The following CMIP variants were observed in gnomAD, a reference collection of about 807,000 sequenced individuals.
CMIP encodes the protein C-Maf-inducing protein.
In CMIP, 13 loss-of-function variants were observed where a neutral mutation model predicts 97.3. That is an observed-to-expected ratio of 0.13 (90% confidence interval 0.09 to 0.21). CMIP has a LOEUF of 0.21. Ranked by LOEUF, CMIP falls within the 10% of genes least tolerant of loss-of-function variation. CMIP has a pLI of 1.00. For missense variants in CMIP, 847 were observed against 1,024.9 expected, an observed-to-expected ratio of 0.83 and a Z score of 2.37; for synonymous variants, 538 against 436.3, an observed-to-expected ratio of 1.23 and a Z score of -2.91.
At chr16:81,600,940 A>T (rs2150932709) in intron 1 of CMIP, among the ~76,000 whole-genome samples, 1 of 152,246 alleles carries the variant, frequency 6.6e-6, no homozygotes, top group South Asian at 2.1e-4. Flanking sequence ...TTGGGGCCCC[A>T]GGGTGTGTGT....
At chr16:81,522,463 T>A (rs995991987) in intron 1 of CMIP, among the ~76,000 whole-genome samples, 1 of 152,240 alleles carries the variant, frequency 6.6e-6, no homozygotes, top group South Asian at 2.1e-4. Flanking sequence ...TGGGCCTGGA[T>A]TTTTGTTAGA....
At chr16:81,670,784 C>T (rs367692321) in intron 8 of CMIP, among the ~76,000 whole-genome samples, 18 of 152,062 alleles carry the variant, frequency 1.2e-4, no homozygotes, top group Non-Finnish European at 1.8e-4. Context: ...GCGGAAGTCT[C>T]GTGTCAGGCC....
chr16:81,700,244 C>T (rs982160267), intron 15 of CMIP, among the ~76,000 whole-genome samples: 13 of 151,980 alleles, frequency 8.6e-5, no homozygotes, highest in Admixed American at 2.6e-4. Flanking sequence ...AGGGCTTTGG[C>T]GGCTGGGGCT....
At chr16:81,633,945 A>G (rs1418674851) in intron 3 of CMIP, among the ~76,000 whole-genome samples, 2 of 152,190 alleles carry the variant, frequency 1.3e-5, no homozygotes, top group African/African-American at 4.8e-5. Flanking sequence ...AAAGTCTGCA[A>G]CCAATCTTCC....
intron 1 of CMIP, among the ~76,000 whole-genome samples, chr16:81,498,221 G>T (rs967487837): frequency 6.6e-6 from 1 of 152,202 alleles, no homozygotes; most frequent in Non-Finnish European, 1.5e-5. Flanking sequence ...CAGTCAAGAA[G>T]GTTCAATGAA....
intron 1 of CMIP, among the ~76,000 whole-genome samples, chr16:81,527,817 T>C (rs1339049620): frequency 6.6e-6 from 1 of 152,242 alleles, no homozygotes; most frequent in African/African-American, 2.4e-5. Context: ...CCTAAAAATA[T>C]CCCATTCTAC....
At chr16:81,611,429 G>A (rs2091830143) in intron 2 of CMIP, 1 of 152,302 alleles carries the variant, frequency 6.6e-6, no homozygotes, top group Admixed American at 6.5e-5. Context: ...GGGGAATGGC[G>A]GGGCCCAAAG....
chr16:81,531,077 A>C (rs533674071), intron 1 of CMIP, among the ~76,000 whole-genome samples: 4 of 152,212 alleles, frequency 2.6e-5, no homozygotes, highest in Admixed American at 1.3e-4. Flanking sequence ...CCTTCTTTGG[A>C]AATAGGGACT....
At chr16:81,708,109 C>A (rs1304306292) in intron 20 of CMIP, among the ~76,000 whole-genome samples, 1 of 152,154 alleles carries the variant, frequency 6.6e-6, no homozygotes, top group Non-Finnish European at 1.5e-5. Context: ...TCCCTCCTGG[C>A]AGGCACAGGC....
At chr16:81,708,528 C>G (rs1908408510) in intron 20 of CMIP, among the ~76,000 whole-genome samples, 1 of 152,206 alleles carries the variant, frequency 6.6e-6, no homozygotes, top group Non-Finnish European at 1.5e-5. Flanking sequence ...TTTTTATTTT[C>G]ACACATTTGA....
intron 3 of CMIP, among the ~76,000 whole-genome samples, chr16:81,636,365 C>G (rs987910218): frequency 1.8e-4 from 27 of 151,816 alleles, no homozygotes; most frequent in African/African-American, 6.5e-4. Flanking sequence ...GGTGGCTCAC[C>G]TGAGGTCAGG....
intron 6 of CMIP, among the ~76,000 whole-genome samples, chr16:81,663,520 C>T (rs551492052): frequency 4.5e-4 from 68 of 152,194 alleles, no homozygotes; most frequent in African/African-American, 1.6e-3. Context: ...ATTTTTAGGG[C>T]GTGAAACGAC....
chr16:81,536,947 A>C (rs770240015), intron 1 of CMIP, among the ~76,000 whole-genome samples: 2 of 151,952 alleles, frequency 1.3e-5, no homozygotes, highest in Non-Finnish European at 2.9e-5. Context: ...TGCTCTCCCC[A>C]GGGGTAACTG....
intron 1 of CMIP, among the ~76,000 whole-genome samples, chr16:81,503,768 C>T (rs1173755998): frequency 6.6e-6 from 1 of 152,238 alleles, no homozygotes; most frequent in Non-Finnish European, 1.5e-5. Flanking sequence ...TTCTGAATCT[C>T]AACCCACTGC....
chr16:81,636,868 G>A (rs900121856), intron 3 of CMIP, among the ~76,000 whole-genome samples: 5 of 133,846 alleles, frequency 3.7e-5, no homozygotes, highest in Admixed American at 8.5e-5. Context: ...CTGAAGCCCC[G>A]TGAATTAGAT....
At chr16:81,564,155 T>C (rs1192139770) in intron 1 of CMIP, among the ~76,000 whole-genome samples, 1 of 152,110 alleles carries the variant, frequency 6.6e-6, no homozygotes, top group Non-Finnish European at 1.5e-5. Flanking sequence ...TTTTAGTTGG[T>C]CAAATACACC....
chr16:81,636,215 G>A (rs942963638), intron 3 of CMIP, among the ~76,000 whole-genome samples: 14 of 151,930 alleles, frequency 9.2e-5, no homozygotes, highest in African/African-American at 2.9e-4. Flanking sequence ...TTGAAAAATC[G>A]GATTATCCAT....
intron 1 of CMIP, among the ~76,000 whole-genome samples, chr16:81,458,557 T>C (rs1431427537): frequency 6.6e-6 from 1 of 152,080 alleles, no homozygotes; most frequent in African/African-American, 2.4e-5. Flanking sequence ...AAGCTTTGCT[T>C]GAAGGGGATC....
chr16:81,485,618 T>A (rs2089302296), intron 1 of CMIP, among the ~76,000 whole-genome samples: 1 of 152,226 alleles, frequency 6.6e-6, no homozygotes, highest in Admixed American at 6.5e-5. Flanking sequence ...CCTATTTATT[T>A]AGCTGTATGT....
Sources: gnomAD v4.1 joint callset for allele counts (sites outside exome capture counted in the v4.1 genomes callset) on GRCh38, gnomAD v4.1.1 for gene constraint, MANE v1.5 for transcripts, NCBI Gene and HGNC (gene_info 2026-07-23, HGNC 2026-07-21) for gene names.